Variants in CEP112 observed in about 807,000 individuals in gnomAD.
CEP112 encodes centrosomal protein of 112 kDa.
In CEP112, 127 loss-of-function variants were observed where a neutral mutation model predicts 153.0. The ratio of observed to expected loss-of-function variants is 0.83; its 90% CI spans 0.72 to 0.96. The LOEUF (loss-of-function observed/expected upper bound fraction) is 0.96, where lower values mean the gene tolerates loss of function less well. Among genes scored for constraint, CEP112 ranks in the 40% least tolerant of loss-of-function variants. CEP112 has a pLI of 0.00. For missense variants in CEP112, 1,089 were observed against 1,101.2 expected (o/e 0.99, Z 0.16); for synonymous variants, 358 against 374.4 (o/e 0.96, Z 0.51).
chr17:65,785,667 TTA>T (rs1176058566), intron 21 of CEP112, among the ~76,000 whole-genome samples: 1 of 152,218 alleles, frequency 6.6e-6, no homozygotes, highest in African/African-American at 2.4e-5. Context: ...ATTTGTGCTT[TTA>T]GTGTCATATC....
At chr17:66,164,935 A>G (rs1464197981) in intron 4 of CEP112, among the ~76,000 whole-genome samples, 1 of 141,238 alleles carries the variant, frequency 7.1e-6, no homozygotes, top group African/African-American at 2.6e-5. Context: ...TTTATTTATA[A>G]ACAGTTTCTT....
At chr17:66,176,347 A>C (rs2072472617) in intron 3 of CEP112, among the ~76,000 whole-genome samples, 1 of 152,184 alleles carries the variant, frequency 6.6e-6, no homozygotes, top group South Asian at 2.1e-4. Context: ...CTTTGCAATA[A>C]AGCTGATTTT....
intron 24 of CEP112, among the ~76,000 whole-genome samples, chr17:65,683,814 C>G (rs1048390783): frequency 6.6e-6 from 1 of 152,150 alleles, no homozygotes; most frequent in Non-Finnish European, 1.5e-5. Context: ...AAGGCCGAGG[C>G]AGGCAGATCA....
At chr17:65,763,470 T>A (rs137908428) in intron 21 of CEP112, among the ~76,000 whole-genome samples, 331 of 152,076 alleles carry the variant, frequency 2.2e-3, no homozygotes, top group African/African-American at 7.4e-3. Context: ...TTTGTAGATG[T>A]CTCAACTACA....
At chr17:65,793,743 T>C (rs1568022562) in intron 21 of CEP112, among the ~76,000 whole-genome samples, 1 of 152,228 alleles carries the variant, frequency 6.6e-6, no homozygotes, top group African/African-American at 2.4e-5. Context: ...TCTAGGTTTG[T>C]TAATATATTC....
chr17:65,736,972 C>T (rs1334921791), intron 23 of CEP112, among the ~76,000 whole-genome samples: 3 of 152,080 alleles, frequency 2.0e-5, no homozygotes, highest in Non-Finnish European at 4.4e-5. Flanking sequence ...GCCACAACAG[C>T]GACCCGCAGA....
intron 23 of CEP112, among the ~76,000 whole-genome samples, chr17:65,727,854 GA>G (rs1336176751): frequency 1.3e-5 from 2 of 152,142 alleles, no homozygotes; most frequent in Admixed American, 1.3e-4. Flanking sequence ...TCTTAGTGTG[GA>G]AAAGAAAAGG....
chr17:65,900,299 C>T (rs778644319), intron 20 of CEP112, among the ~76,000 whole-genome samples: 10 of 152,106 alleles, frequency 6.6e-5, no homozygotes, highest in Non-Finnish European at 1.0e-4. Context: ...ATTAGTAAAA[C>T]GTTCCAAGAA....
intron 21 of CEP112, among the ~76,000 whole-genome samples, chr17:65,800,972 T>C (rs1412611914): frequency 1.3e-5 from 2 of 152,218 alleles, no homozygotes; most frequent in Non-Finnish European, 2.9e-5. Flanking sequence ...TATGTCTTTT[T>C]GTTGTTGACT....
At chr17:65,778,745 T>TA in intron 21 of CEP112, among the ~76,000 whole-genome samples, 1 of 152,222 alleles carries the variant, frequency 6.6e-6, no homozygotes, top group Non-Finnish European at 1.5e-5. Flanking sequence ...TATAGAAAAA[T>TA]ATGATTTACT....
chr17:66,183,750 T>C (rs2072814607), intron 1 of CEP112, among the ~76,000 whole-genome samples: 1 of 151,968 alleles, frequency 6.6e-6, no homozygotes, highest in African/African-American at 2.4e-5. Context: ...AATGATGTCA[T>C]AACAATTGGA....
At chr17:66,018,903 T>C (rs1217863160) in intron 16 of CEP112, among the ~76,000 whole-genome samples, 3 of 152,210 alleles carry the variant, frequency 2.0e-5, no homozygotes, top group African/African-American at 4.8e-5. Context: ...CTGGAACTGT[T>C]TGGAAAACAA....
chr17:65,917,366 T>C (rs575272709), intron 19 of CEP112, among the ~76,000 whole-genome samples: 2 of 152,258 alleles, frequency 1.3e-5, no homozygotes, highest in South Asian at 4.2e-4. Flanking sequence ...GCATACTGGA[T>C]GTACCATAAA....
intron 15 of CEP112, among the ~76,000 whole-genome samples, chr17:66,028,094 A>T (rs1266655053): frequency 1.3e-5 from 2 of 149,462 alleles, no homozygotes; most frequent in East Asian, 4.0e-4. Context: ...CTCAAAAGAG[A>T]TCATTCCAAT....
At chr17:66,095,731 T>A (rs1051251082) in intron 8 of CEP112, among the ~76,000 whole-genome samples, 3 of 152,174 alleles carry the variant, frequency 2.0e-5, no homozygotes, top group Non-Finnish European at 4.4e-5. Flanking sequence ...ATTTAGCCAT[T>A]TGACAATGTA....
intron 21 of CEP112, among the ~76,000 whole-genome samples, chr17:65,759,304 T>G (rs1019546188): frequency 6.6e-6 from 1 of 152,200 alleles, no homozygotes; most frequent in African/African-American, 2.4e-5. Context: ...TTTATTCTTC[T>G]ATTTCCTTGA....
intron 24 of CEP112, among the ~76,000 whole-genome samples, chr17:65,654,049 A>G (rs2045928911): frequency 7.2e-6 from 1 of 138,648 alleles, no homozygotes; most frequent in South Asian, 2.4e-4. Context: ...CCAGAGCAAG[A>G]CTCCATCAAA....
intron 14 of CEP112, 75 bp from the exon 15 acceptor site, chr17:66,028,480 T>C (rs2065318430): frequency 1.3e-6 from 1 of 789,706 alleles, no homozygotes; most frequent in African/African-American, 1.8e-5. Context: ...ATTGAAAAAA[T>C]ATGCCTTTTG....
intron 19 of CEP112, among the ~76,000 whole-genome samples, chr17:65,908,007 T>C (rs902909979): frequency 3.9e-5 from 6 of 152,094 alleles, no homozygotes; most frequent in East Asian, 1.9e-4. Context: ...TATTAAATGG[T>C]TAATAAGCCT....
Sources: allele counts gnomAD v4.1 joint callset (sites outside exome capture counted in the v4.1 genomes callset), GRCh38; gene constraint gnomAD v4.1.1; transcripts MANE v1.5; gene names NCBI Gene and HGNC (gene_info 2026-07-23, HGNC 2026-07-21).